The following IFNAR2 variants were observed in gnomAD, a reference collection of about 807,000 sequenced individuals.
IFNAR2 encodes the protein interferon alpha and beta receptor subunit 2.
Under a neutral mutation model 49.4 loss-of-function variants are expected in IFNAR2, and 30 were observed. That is an observed-to-expected ratio of 0.61 (90% CI 0.45 to 0.82). The LOEUF (loss-of-function observed/expected upper bound fraction) is 0.82, where lower values mean the gene tolerates loss of function less well. Among genes scored for constraint, IFNAR2 ranks in the 40% least tolerant of loss-of-function variants. The pLI, the probability that IFNAR2 is intolerant of heterozygous loss-of-function variation, is 0.00. For synonymous variants in IFNAR2, 224 were observed against 234.5 expected (o/e 0.96, Z 0.41); for missense variants, 600 against 622.7 (o/e 0.96, Z 0.39).
intron 1 of IFNAR2, among the ~76,000 whole-genome samples, chr21:33,238,216 TGTCTCCTGGCA>T (rs1194216537): frequency 6.6e-6 from 1 of 152,220 alleles, no homozygotes; most frequent in Non-Finnish European, 1.5e-5. Flanking sequence ...AGCAAGCCTT[TGTCTCCTGGCA>T]GTCAACTCGT....
intron 7 of IFNAR2, among the ~76,000 whole-genome samples, chr21:33,258,966 T>TA (rs1177293627): frequency 6.6e-6 from 1 of 152,164 alleles, no homozygotes; most frequent in Middle Eastern, 3.2e-3. Flanking sequence ...GAGGCGGTCT[T>TA]ACTTGTTCCA....
At chr21:33,243,568 C>A in intron 2 of IFNAR2, 105 bp from the exon 3 acceptor site, 2 of 1,053,498 alleles carry the variant, frequency 1.9e-6, no homozygotes, top group East Asian at 2.4e-5. Context: ...AAATCTCAAT[C>A]TGATACCAAT....
chr21:33,250,952 T>C (rs1325650271), intron 6 of IFNAR2, among the ~76,000 whole-genome samples: 1 of 152,138 alleles, frequency 6.6e-6, no homozygotes, highest in Non-Finnish European at 1.5e-5. Flanking sequence ...TGGGACATGT[T>C]AAATTCCAGG....
chr21:33,244,638 G>A (rs116394746), intron 3 of IFNAR2, among the ~76,000 whole-genome samples: 1 of 152,274 alleles, frequency 6.6e-6, no homozygotes, highest in African/African-American at 2.4e-5. Context: ...GGGATGGCCT[G>A]GGTTATTTTG....
chr21:33,242,643 G>T (rs1224116930), intron 2 of IFNAR2, among the ~76,000 whole-genome samples: 1 of 141,868 alleles, frequency 7.0e-6, no homozygotes, highest in African/African-American at 2.6e-5. Context: ...TGAGGCAGGA[G>T]AATGGCATGA....
At chr21:33,246,220 G>A (rs1008273646) in intron 4 of IFNAR2, among the ~76,000 whole-genome samples, 30 of 151,934 alleles carry the variant, frequency 2.0e-4, no homozygotes, top group Non-Finnish European at 2.9e-4. Flanking sequence ...ACAGGCGCCC[G>A]CCACCACGCC....
chr21:33,233,795 G>T (rs1023108297), intron 1 of IFNAR2, among the ~76,000 whole-genome samples: 5 of 151,896 alleles, frequency 3.3e-5, no homozygotes, highest in Non-Finnish European at 7.4e-5. Context: ...AGTAGAGAAA[G>T]GTAAAAAGAC....
intron 1 of IFNAR2, among the ~76,000 whole-genome samples, chr21:33,237,345 A>G (rs1215115066): frequency 6.6e-6 from 1 of 151,614 alleles, no homozygotes; most frequent in Non-Finnish European, 1.5e-5. Flanking sequence ...CAGCCTGGAC[A>G]ACATAGCAAA....
At chr21:33,237,078 G>GGTGGGTGGGTGTGTGTGTGTGT (rs57276350) in intron 1 of IFNAR2, among the ~76,000 whole-genome samples, 1 of 147,698 alleles carries the variant, frequency 6.8e-6, no homozygotes, top group South Asian at 2.2e-4. Context: ...GGGAGAATGG[G>GGTGGGTGGGTGTGTGTGTGTGT]GTGTGTGTGT....
chr21:33,237,762 A>T (rs1321631402), intron 1 of IFNAR2, among the ~76,000 whole-genome samples: 2 of 152,064 alleles, frequency 1.3e-5, no homozygotes, highest in African/African-American at 4.8e-5. Flanking sequence ...GGAAATTTTG[A>T]CTTGGAATCA....
rs1389300804 is a variant in IFNAR2, at chr21:33,265,175, T to C, written c.*1675T>C. 1 of 152,118 alleles carries C rather than the reference T, an allele frequency of 6.6e-6. No homozygotes were observed. Among genetic ancestry groups the C allele is most frequent in the Non-Finnish European group, 1.5e-5 (1 of 68,024 alleles). The allele number at this position is 152,118 out of a possible 1,614,324, so 9.4% of individuals were successfully genotyped here. ...TTGGACTAGGTAATCTCCAAGATCC[T>C]AGGAACCCAGGAGAAAGATGAGAAA... On this transcript the variant is annotated 3_prime_UTR_variant, in exon 9 of 9. Coordinates refer to ENST00000342136, the MANE Select transcript of IFNAR2 (RefSeq NM_001289125.3).
At position 33,235,036 on chromosome 21, in the gene IFNAR2, T is replaced by C. The variant is rs570599149; in HGVS notation, c.-84+4820T>C. Among the ~76,000 whole-genome samples, 6 of 152,332 alleles carry C rather than the reference T, an allele frequency of 3.9e-5. No individual in the cohort carries two copies. In the East Asian group the frequency reaches 5.8e-4, roughly 15 times the overall value. On this transcript the variant is annotated intron_variant, in intron 1 of 8. Coordinates refer to ENST00000342136, the MANE Select transcript of IFNAR2 (RefSeq NM_001289125.3). Reference sequence around the variant, plus strand: ...GGGTTCCTCACTTTTTTCGATGATATAGGGTAACTTCTGCATGTTGCCATG... The same window carrying C: ...GGGTTCCTCACTTTTTTCGATGATACAGGGTAACTTCTGCATGTTGCCATG...
chr21:33,252,517 T>C (rs1706526997), intron 6 of IFNAR2, 145 bp from the exon 7 acceptor site: 1 of 1,440,478 alleles, frequency 6.9e-7, no homozygotes, highest in Non-Finnish European at 9.1e-7. Context: ...AATTACTTGC[T>C]CCAGATGACT....
Position 33,264,173 on chromosome 21 carries a change from T to G in IFNAR2, c.*673T>G, listed in dbSNP as rs887014062. 1 of 152,162 alleles carries G rather than the reference T, an allele frequency of 6.6e-6. No individual in the cohort carries two copies. The highest frequency in any genetic ancestry group is 2.4e-5 in the African/African-American group (1 of 41,414). The allele number at this position is 152,162 out of a possible 1,614,324, so 9.4% of individuals were successfully genotyped here. On this transcript the variant is annotated 3_prime_UTR_variant, in exon 9 of 9. Transcript: ENST00000342136. ...TGTGCCTGGCTGGCCCTGTGATATTTCTGTGAAATAAATTGGGCCAGGGTG... is the reference window on the plus strand; with the variant it reads ...TGTGCCTGGCTGGCCCTGTGATATTGCTGTGAAATAAATTGGGCCAGGGTG...
rs943815958 is a variant in IFNAR2 at position 33,237,784 on chromosome 21, C to CT, written c.-83-4055dup. Among the ~76,000 whole-genome samples the CT allele has an allele frequency of 2.0e-5, 3 of 152,230 alleles. No homozygotes were observed. In the East Asian group the frequency reaches 5.8e-4, roughly 29 times the overall value. ...TTGACTTGGAATCACTTGGATTTCT[C>CT]TAAGAGAATACCCCAGGTTGGATGT... On this transcript the variant is annotated intron_variant, in intron 1 of 8. Transcript: ENST00000342136.
At chr21:33,249,186 A>T (rs1040884910) in intron 6 of IFNAR2, among the ~76,000 whole-genome samples, 3 of 152,116 alleles carry the variant, frequency 2.0e-5, no homozygotes, top group African/African-American at 7.2e-5. Context: ...TCTACTAAAA[A>T]TACAAACATT....
chr21:33,261,035 CTTTTTT>C (rs368696822), intron 8 of IFNAR2, among the ~76,000 whole-genome samples: 1 of 95,980 alleles, frequency 1.0e-5, no homozygotes, highest in East Asian at 3.5e-4. Context: ...GTTTTCTTTC[CTTTTTT>C]TTTTTTTTTT....
chr21:33,252,529 A>G, intron 6 of IFNAR2, 133 bp from the exon 7 acceptor site: 1 of 1,447,994 alleles, frequency 6.9e-7, no homozygotes, highest in South Asian at 1.5e-5. Context: ...CAGATGACTT[A>G]TAAATCCTTT....
chr21:33,236,901 T>A, intron 1 of IFNAR2: 1 of 984,826 alleles, frequency 1.0e-6, no homozygotes, highest in Non-Finnish European at 1.2e-6. Context: ...ACTGATCTAT[T>A]TGTAGTCAGC....
Sources: allele counts gnomAD v4.1 joint callset (sites outside exome capture counted in the v4.1 genomes callset), GRCh38; gene constraint gnomAD v4.1.1; transcripts MANE v1.5; gene names NCBI Gene and HGNC (gene_info 2026-07-23, HGNC 2026-07-21).